PDE11A: variants seen among roughly 807,000 people sequenced by gnomAD.
The protein encoded by PDE11A is phosphodiesterase 11A.
Under a neutral mutation model 100.5 loss-of-function variants are expected in PDE11A, and 100 were observed. The observed-to-expected ratio is 1.00, with a 90% confidence interval of 0.85 to 1.18. PDE11A has a LOEUF of 1.18. Among genes scored for constraint, PDE11A ranks in the 50% most tolerant of loss-of-function variants. The probability of loss-of-function intolerance (pLI) is 0.00; values close to 1 mark genes in which losing one functional copy is unlikely to be tolerated. For synonymous variants in PDE11A, 381 were observed against 420.8 expected (o/e 0.91, Z 1.16); for missense variants, 1,141 against 1,152.6 (o/e 0.99, Z 0.15).
intron 9 of PDE11A, among the ~76,000 whole-genome samples, chr2:177,806,475 A>G (rs1020693256): frequency 1.3e-5 from 2 of 152,210 alleles, no homozygotes; most frequent in Non-Finnish European, 2.9e-5. Context: ...CTCTCATTCT[A>G]GCTGTCTGAC....
At chr2:178,001,745 A>G (rs1327979692) in intron 2 of PDE11A, among the ~76,000 whole-genome samples, 1 of 152,160 alleles carries the variant, frequency 6.6e-6, no homozygotes, top group Non-Finnish European at 1.5e-5. Context: ...CCTTTGAAAT[A>G]TTGTTAGGAA....
chr2:177,912,583 T>A (rs2084898386), intron 2 of PDE11A, among the ~76,000 whole-genome samples: 1 of 152,166 alleles, frequency 6.6e-6, no homozygotes. Context: ...GGGGGCAGTT[T>A]TTAATTCCCA....
intron 6 of PDE11A, among the ~76,000 whole-genome samples, chr2:177,837,425 A>G (rs1364734901): frequency 1.3e-5 from 2 of 150,830 alleles, no homozygotes; most frequent in Admixed American, 6.6e-5. Flanking sequence ...ACATTTTACA[A>G]TGGTGGCTCA....
At position 177,711,823 on chromosome 2, in the gene PDE11A, C is replaced by A; in HGVS notation, c.2099G>T (p.Gly700Val). ...TEVEILAVIV[G>V]CLCHDLDHRG... ...GTGGTCGAGGTCATGACACAGGCAT[C>A]CCACAATCACCGCTAAAATTTCCAC... The change falls in exon 13 of 20, where the codon GGA becomes GTA. Residue 700 changes from glycine to valine, a missense_variant. Physicochemically the swap from Gly to Val is moderately radical, Grantham distance 109. Transcript: ENST00000286063. 6.2e-7 allele frequency: 1 copy of A among 1,612,882 alleles called. No homozygotes were observed. The highest frequency in any genetic ancestry group is 1.3e-5 in the African/African-American group (1 of 75,034).
At position 177,932,513 on chromosome 2, in the gene PDE11A, C is replaced by T. The variant is rs552576363; in HGVS notation, c.1072-27326G>A. On this transcript the variant is annotated intron_variant, in intron 2 of 19. Transcript: ENST00000286063. ...TGGGATGCAAAATTGGTTCAACATACACAAATTAATAAATGTGATTCACCA... is the reference window on the plus strand; with the variant it reads ...TGGGATGCAAAATTGGTTCAACATATACAAATTAATAAATGTGATTCACCA... Among the ~76,000 whole-genome samples, 3 of 152,180 alleles carry T rather than the reference C, an allele frequency of 2.0e-5. No homozygotes were observed. In the East Asian group the frequency reaches 5.8e-4, roughly 29 times the overall value.
chr2:177,826,050 T>C (rs2083221683), intron 6 of PDE11A, among the ~76,000 whole-genome samples: 1 of 152,198 alleles, frequency 6.6e-6, no homozygotes, highest in Non-Finnish European at 1.5e-5. Flanking sequence ...TCATTCTTGG[T>C]TTAACATTTA....
chr2:177,866,593 A>G (rs1035374673), intron 5 of PDE11A, among the ~76,000 whole-genome samples: 3 of 152,194 alleles, frequency 2.0e-5, no homozygotes, highest in African/African-American at 7.2e-5. Flanking sequence ...TATGTCTAAG[A>G]AGGAATATAG....
intron 2 of PDE11A, among the ~76,000 whole-genome samples, chr2:177,992,934 C>G (rs1460269179): frequency 1.3e-5 from 2 of 151,786 alleles, no homozygotes; most frequent in African/African-American, 2.4e-5. Context: ...TTTCTTAATT[C>G]TTAACTCTCA....
intron 2 of PDE11A, among the ~76,000 whole-genome samples, chr2:177,909,341 A>C (rs944329680): frequency 3.3e-5 from 5 of 152,212 alleles, no homozygotes; most frequent in Non-Finnish European, 7.3e-5. Flanking sequence ...GCAAATGGCA[A>C]AATGAACACC....
intron 9 of PDE11A, among the ~76,000 whole-genome samples, chr2:177,774,734 C>A (rs1055657729): frequency 6.6e-6 from 1 of 152,168 alleles, no homozygotes; most frequent in Non-Finnish European, 1.5e-5. Flanking sequence ...CCAACTTGGT[C>A]AATTCACTGG....
intron 10 of PDE11A, among the ~76,000 whole-genome samples, chr2:177,762,141 A>G (rs1255317084): frequency 6.6e-6 from 1 of 152,108 alleles, no homozygotes; most frequent in East Asian, 1.9e-4. Flanking sequence ...AATGGACGGG[A>G]CTGCATGTGG....
At chr2:177,886,722 G>C (rs1168855257) in intron 4 of PDE11A, among the ~76,000 whole-genome samples, 2 of 152,162 alleles carry the variant, frequency 1.3e-5, no homozygotes, top group African/African-American at 4.8e-5. Flanking sequence ...TATAAAAGTA[G>C]TGTACAGAAT....
intron 5 of PDE11A, among the ~76,000 whole-genome samples, chr2:177,863,248 A>G (rs2083973248): frequency 6.6e-6 from 1 of 152,046 alleles, no homozygotes; most frequent in African/African-American, 2.4e-5. Flanking sequence ...ACATAGGGAG[A>G]AAAGTCCTGG....
At chr2:177,951,917 T>A (rs1175826583) in intron 2 of PDE11A, among the ~76,000 whole-genome samples, 1 of 152,208 alleles carries the variant, frequency 6.6e-6, no homozygotes, top group Non-Finnish European at 1.5e-5. Flanking sequence ...AGGCAATTTT[T>A]AAAAAATACT....
At chr2:177,817,348 G>A (rs2083056779) in intron 8 of PDE11A, among the ~76,000 whole-genome samples, 1 of 152,170 alleles carries the variant, frequency 6.6e-6, no homozygotes, top group Non-Finnish European at 1.5e-5. Context: ...AAGGAGGATT[G>A]AGTTAGAACC....
chr2:177,926,686 G>A (rs1199717054), intron 2 of PDE11A, among the ~76,000 whole-genome samples: 1 of 152,116 alleles, frequency 6.6e-6, no homozygotes, highest in African/African-American at 2.4e-5. Flanking sequence ...GCTATTTATT[G>A]ATTTTGCTTA....
At chr2:178,007,579 T>G (rs147706407) in intron 2 of PDE11A, among the ~76,000 whole-genome samples, 37 of 152,348 alleles carry the variant, frequency 2.4e-4, no homozygotes, top group African/African-American at 8.9e-4. Flanking sequence ...GTTATGGGAT[T>G]CAATCCAAAT....
At chr2:177,679,309 G>A (rs1015019059) in intron 16 of PDE11A, among the ~76,000 whole-genome samples, 4 of 152,146 alleles carry the variant, frequency 2.6e-5, no homozygotes, top group African/African-American at 9.7e-5. Context: ...GTAAAAACAT[G>A]TAAAGAATTC....
chr2:178,091,818 G>GT lies in PDE11A; in HGVS notation c.162+12483dup, dbSNP rs752341468. ...CCACATTTATGATGAAGGTTTTAGGGTTTTTTTCTCCCTCTCTCTCAGTGT... is the reference window on the plus strand; with the variant it reads ...CCACATTTATGATGAAGGTTTTAGGGTTTTTTTTCTCCCTCTCTCTCAGTGT... On this transcript the variant is annotated intron_variant, in intron 2 of 20. Coordinates refer to the PDE11A transcript ENST00000358450. 7.2e-5 allele frequency among the ~76,000 whole-genome samples: 11 copies of GT among 152,138 alleles called. No homozygotes were observed. The East Asian group carries it at 1.7e-3, about 24-fold the overall frequency.
Sources: gnomAD v4.1 joint callset for allele counts (sites outside exome capture counted in the v4.1 genomes callset) on GRCh38, gnomAD v4.1.1 for gene constraint, MANE v1.5 for transcripts, NCBI Gene and HGNC (gene_info 2026-07-23, HGNC 2026-07-21) for gene names.